Variants in BACH1 observed in about 807,000 individuals in gnomAD.
BACH1 encodes the protein transcription regulator protein BACH1.
In BACH1, 35 loss-of-function variants were observed where a neutral mutation model predicts 52.9. The observed-to-expected ratio is 0.66, with a 90% CI of 0.51 to 0.88. BACH1 has a LOEUF of 0.88. Ranked by LOEUF, BACH1 falls within the 40% of genes least tolerant of loss-of-function variation. BACH1 has a pLI of 0.00. For synonymous variants in BACH1, 321 were observed against 319.6 expected, an observed-to-expected ratio of 1.00 and a Z score of -0.05; for missense variants, 808 against 872.6, an observed-to-expected ratio of 0.93 and a Z score of 0.93.
At chr21:29,349,078 AGT>A (rs1168516078), downstream of BACH1, among the ~76,000 whole-genome samples, 1 of 150,744 alleles carries the variant, frequency 6.6e-6, no homozygotes, top group East Asian at 1.9e-4. Flanking sequence ...TGGGCGACAG[AGT>A]GAGACTCCGT....
At chr21:29,347,964 T>C (rs181091524), downstream of BACH1, among the ~76,000 whole-genome samples, 30 of 152,328 alleles carry the variant, frequency 2.0e-4, no homozygotes, top group Admixed American at 1.4e-3. Flanking sequence ...GTTTAACTTT[T>C]ATTATTCAAC....
At chr21:29,300,698 C>G (rs937984651) in intron 1 of BACH1, 2 of 152,138 alleles carry the variant, frequency 1.3e-5, no homozygotes, top group African/African-American at 4.8e-5. Flanking sequence ...GTTACGTGGT[C>G]TATAAGTTTC....
chr21:29,340,946 G>A (rs1262042764), intron 4 of BACH1, among the ~76,000 whole-genome samples: 4 of 145,398 alleles, frequency 2.8e-5, no homozygotes, highest in South Asian at 2.2e-4. Context: ...TACTTAACAC[G>A]CACATTCTTG....
chr21:29,360,121 C>G (rs1428670995), intron 2 of BACH1, among the ~76,000 whole-genome samples: 1 of 152,130 alleles, frequency 6.6e-6, no homozygotes, highest in East Asian at 1.9e-4. Context: ...CTGGACCAAA[C>G]CAATGTACCT....
downstream of BACH1, among the ~76,000 whole-genome samples, chr21:29,348,967 G>T (rs2089187152): frequency 6.6e-6 from 1 of 151,986 alleles, no homozygotes; most frequent in Non-Finnish European, 1.5e-5. Context: ...GGTGGCAGGT[G>T]CCTGTAGTCC....
Position 29,326,393 on chromosome 21 carries a change from A to G in BACH1, c.569A>G (p.Gln190Arg), listed in dbSNP as rs771150831. 1.2e-6 allele frequency: 2 copies of G among 1,614,088 alleles called. No homozygotes were observed. The highest frequency in any genetic ancestry group is 3.3e-5 in the Admixed American group (2 of 59,994). ...QTPQCKLRRY[Q>R]GNAKASPPLQ... Reference sequence around the variant, plus strand: ...CCTCAGTGTAAACTCCGCAGGTATCAAGGAAATGCAAAAGCCTCACCTCCT... The same window carrying G: ...CCTCAGTGTAAACTCCGCAGGTATCGAGGAAATGCAAAAGCCTCACCTCCT... Residue 190 changes from glutamine (Q) to arginine (R), a missense_variant, in exon 3 of 5, where the codon CAA becomes CGA. Transcript: ENST00000286800.
intron 2 of BACH1, chr21:29,352,484 AAAGT>A (rs1204538591): frequency 6.6e-6 from 1 of 152,202 alleles, no homozygotes; most frequent in African/African-American, 2.4e-5. Context: ...CCTCGATAGC[AAAGT>A]AAGACTGACT....
intron 1 of BACH1, among the ~76,000 whole-genome samples, chr21:29,313,888 G>T (rs1268775309): frequency 1.3e-5 from 2 of 152,184 alleles, no homozygotes; most frequent in Non-Finnish European, 2.9e-5. Flanking sequence ...TCTTGGTTGG[G>T]GGGGGTGGTG....
chr21:29,354,861 C>T (rs1427138677), intron 2 of BACH1, among the ~76,000 whole-genome samples: 1 of 152,072 alleles, frequency 6.6e-6, no homozygotes, highest in Non-Finnish European at 1.5e-5. Context: ...GAAAAGCTTG[C>T]CTGAAAAGTG....
chr21:29,326,024 A>G, intron 2 of BACH1, 35 bp from the exon 3 acceptor site: 1 of 1,555,086 alleles, frequency 6.4e-7, no homozygotes, highest in Non-Finnish European at 8.7e-7. Context: ...ACAGCTTTCA[A>G]ATGATGTGTT....
intron 1 of BACH1, among the ~76,000 whole-genome samples, chr21:29,318,891 A>G (rs2088817571): frequency 6.6e-6 from 1 of 151,944 alleles, no homozygotes; most frequent in Non-Finnish European, 1.5e-5. Flanking sequence ...ATAACCTTTT[A>G]GTCATATCCA....
intron 1 of BACH1, among the ~76,000 whole-genome samples, chr21:29,314,820 T>A (rs993551602): frequency 1.3e-5 from 2 of 152,196 alleles, no homozygotes; most frequent in Admixed American, 6.5e-5. Context: ...AGGATTTTCT[T>A]AAGGCTGAGA....
chr21:29,300,341 AG>A (rs769226604), intron 1 of BACH1, among the ~76,000 whole-genome samples: 8 of 152,162 alleles, frequency 5.3e-5, no homozygotes, highest in Non-Finnish European at 2.9e-5. Context: ...CCAGCTTGAG[AG>A]GTAATTAGAA....
At chr21:29,360,582 C>G (rs764725428) in intron 2 of BACH1, among the ~76,000 whole-genome samples, 1 of 152,124 alleles carries the variant, frequency 6.6e-6, no homozygotes. Flanking sequence ...CAGTGGCTCA[C>G]GCCTGTAATC....
At position 29,342,297 on chromosome 21, in the gene BACH1, A is replaced by C. The variant is rs528624434; in HGVS notation, c.1777-102A>C. The C allele has an allele frequency of 8.6e-6, 10 of 1,159,312 alleles. No individual in the cohort carries two copies. In the South Asian group the frequency reaches 1.5e-4, roughly 18 times the overall value. 71.8% of individuals were successfully genotyped at this position (1,159,312 alleles called of 1,614,324 possible). A position where few individuals can be genotyped will look rare whatever the true frequency, so the allele number is the denominator to read the frequency against. On this transcript the variant is annotated intron_variant, in intron 4 of 4. Transcript: ENST00000286800. ...GAATTGAAAGGATAAACTCCATGTG[A>C]TCTTACTTGATGAGAAGCCCCTGTA...
At chr21:29,339,014 G>T (rs1390704013) in intron 4 of BACH1, among the ~76,000 whole-genome samples, 1 of 152,096 alleles carries the variant, frequency 6.6e-6, no homozygotes, top group African/African-American at 2.4e-5. Context: ...CAGCTCCATA[G>T]TACTCAGTAG....
At chr21:29,306,362 C>CT (rs756535922) in intron 1 of BACH1, among the ~76,000 whole-genome samples, 4,252 of 141,762 alleles carry the variant, frequency 0.03, 106 homozygotes, top group African/African-American at 0.08. Context: ...AGAAGACACA[C>CT]TTTTTTTTTT....
intron 2 of BACH1, among the ~76,000 whole-genome samples, chr21:29,324,954 C>T (rs1390905274): frequency 1.3e-5 from 2 of 152,090 alleles, no homozygotes; most frequent in Non-Finnish European, 2.9e-5. Context: ...CACAGCCGGG[C>T]GCGGTGGCTC....
intron 2 of BACH1, chr21:29,358,923 G>T (rs2123496697): frequency 6.6e-6 from 1 of 152,080 alleles, no homozygotes; most frequent in Non-Finnish European, 1.5e-5. Context: ...CACAAGGGGG[G>T]TAGTATTTAA....
Sources: allele counts gnomAD v4.1 joint callset (sites outside exome capture counted in the v4.1 genomes callset), GRCh38; gene constraint gnomAD v4.1.1; transcripts MANE v1.5; gene names NCBI Gene and HGNC (gene_info 2026-07-23, HGNC 2026-07-21).